Variants in CAPRIN1 observed in about 807,000 individuals in gnomAD.
The protein encoded by CAPRIN1 is cell cycle associated protein 1.
In CAPRIN1, 29 loss-of-function variants were observed where a neutral mutation model predicts 100.9. That is an observed-to-expected ratio of 0.29 (90% CI 0.21 to 0.39). The LOEUF (loss-of-function observed/expected upper bound fraction) is 0.39, where lower values mean the gene tolerates loss of function less well. Ranked by LOEUF, CAPRIN1 falls within the 10% of genes least tolerant of loss-of-function variation. The probability of loss-of-function intolerance (pLI) is 1.00; values close to 1 mark genes in which losing one functional copy is unlikely to be tolerated. For synonymous variants in CAPRIN1, 338 were observed against 307.5 expected (o/e 1.10, Z -1.04); for missense variants, 795 against 876.7 (o/e 0.91, Z 1.18).
At chr11:34,056,392 C>CT (rs1850451872) in intron 2 of CAPRIN1, 1 of 152,162 alleles carries the variant, frequency 6.6e-6, no homozygotes. Context: ...AAAAGCTAAG[C>CT]ATCTGCTCAT....
At chr11:34,085,241 A>G (rs775454324) in intron 9 of CAPRIN1, among the ~76,000 whole-genome samples, 2 of 152,316 alleles carry the variant, frequency 1.3e-5, no homozygotes, top group South Asian at 4.1e-4. Flanking sequence ...GAAAAGGCTA[A>G]TAGAGTGAGC....
intron 18 of CAPRIN1, chr11:34,098,963 GT>G (rs1364458901): frequency 8.8e-7 from 1 of 1,135,846 alleles, no homozygotes; most frequent in African/African-American, 1.6e-5. Context: ...ATGAGAGCAG[GT>G]ACCTTGTCTG....
At chr11:34,076,665 T>C (rs945806423) in intron 6 of CAPRIN1, 23 bp downstream of exon 6, 1 of 1,473,624 alleles carries the variant, frequency 6.8e-7, no homozygotes, top group African/African-American at 1.4e-5. Context: ...GTGATAACTT[T>C]GATTTTATAA....
intron 4 of CAPRIN1, among the ~76,000 whole-genome samples, chr11:34,075,175 TTA>T (rs1180317211): frequency 6.6e-6 from 1 of 152,206 alleles, no homozygotes; most frequent in Non-Finnish European, 1.5e-5. Flanking sequence ...GCACACTCTG[TTA>T]CCATTATAGA....
At chr11:34,079,905 G>GTTTTTTTTTTTTTTT (rs377455073) in intron 7 of CAPRIN1, 140 bp downstream of exon 7, 3 of 316,638 alleles carry the variant, frequency 9.5e-6, no homozygotes, top group African/African-American at 5.8e-5. Flanking sequence ...GCATGACAAA[G>GTTTTTTTTTTTTTTT]TTTTTTTTTT....
Position 34,071,707 on chromosome 11 carries a change from T to C in CAPRIN1, c.217-19T>C, listed in dbSNP as rs765172706. On this transcript the variant is annotated intron_variant, in intron 2 of 18. Transcript: ENST00000341394. ...TACCTTCAAAACGGAATGTAATTCT[T>C]TTTTTTCTTTTAACATAGGGTAAGC... 1.9e-6 allele frequency: 3 copies of C among 1,589,718 alleles called. No individual in the cohort carries two copies. In the Admixed American group the frequency reaches 5.0e-5, roughly 27 times the overall value.
chr11:34,068,741 A>T (rs1850749428), intron 2 of CAPRIN1, among the ~76,000 whole-genome samples: 1 of 152,228 alleles, frequency 6.6e-6, no homozygotes, highest in African/African-American at 2.4e-5. Context: ...CAAAAGGAAC[A>T]CAGCTCTGGC....
At chr11:34,074,081 C>A (rs530048146) in intron 4 of CAPRIN1, among the ~76,000 whole-genome samples, 7 of 152,096 alleles carry the variant, frequency 4.6e-5, no homozygotes. Context: ...AACACTATTG[C>A]GTTGGGAGGG....
chr11:34,057,459 A>G lies in CAPRIN1; in HGVS notation c.216+4823A>G, dbSNP rs563297908. ...ATTAGTGTACTCTAGGATACTACCC[A>G]TGTGGCAGATATTTGAGAATGCATT... On this transcript the variant is annotated intron_variant, in intron 2 of 18. Coordinates refer to ENST00000341394, the MANE Select transcript of CAPRIN1 (RefSeq NM_005898.5). Among the ~76,000 whole-genome samples, 3 of 152,306 alleles carry G rather than the reference A, an allele frequency of 2.0e-5. No homozygotes were observed. The South Asian group carries it at 6.2e-4, about 32-fold the overall frequency.
chr11:34,055,479 C>A (rs1850432132), intron 2 of CAPRIN1, among the ~76,000 whole-genome samples: 1 of 152,166 alleles, frequency 6.6e-6, no homozygotes, highest in African/African-American at 2.4e-5. Context: ...AGGCACCTGC[C>A]ACCACGCCCA....
intron 9 of CAPRIN1, among the ~76,000 whole-genome samples, chr11:34,085,186 A>T (rs1336331677): frequency 1.3e-5 from 2 of 152,234 alleles, no homozygotes; most frequent in African/African-American, 2.4e-5. Context: ...CTTGCAGAGC[A>T]GGGAATTACT....
rs1211917510 is a variant in CAPRIN1, at chr11:34,071,801, T to C, written c.279+13T>C. On this transcript the variant is annotated intron_variant, in intron 3 of 18. Coordinates refer to ENST00000341394, the MANE Select transcript of CAPRIN1 (RefSeq NM_005898.5). ...TCAAGATCAGCTGGTAAAGATGTTA[T>C]ATTTTTTATTTTAGACCTAATGCTC... 2 of 1,450,530 alleles carry C rather than the reference T, an allele frequency of 1.4e-6. No individual in the cohort carries two copies. Among genetic ancestry groups the C allele is most frequent in the Non-Finnish European group, 1.8e-6 (2 of 1,099,850 alleles). The allele number at this position is 1,450,530 out of a possible 1,614,324, so 89.9% of individuals were successfully genotyped here.
chr11:34,080,343 T>C (rs753063691), intron 7 of CAPRIN1, among the ~76,000 whole-genome samples: 12 of 152,216 alleles, frequency 7.9e-5, no homozygotes, highest in Non-Finnish European at 1.3e-4. Flanking sequence ...ATAGTTCTTT[T>C]GCAGTAGTAT....
Position 34,099,368 on chromosome 11 carries a change from T to A in CAPRIN1, c.*1T>A. 2 of 1,610,240 alleles carry A rather than the reference T, an allele frequency of 1.2e-6. No individual in the cohort carries two copies. Among genetic ancestry groups the A allele is most frequent in the Non-Finnish European group, 1.7e-6 (2 of 1,176,462 alleles). On this transcript the variant is annotated 3_prime_UTR_variant, in exon 19 of 19. Coordinates refer to ENST00000341394, the MANE Select transcript of CAPRIN1 (RefSeq NM_005898.5). The stretch of plus-strand genomic sequence containing the variant: ...AATGAACACTCAGCAAGTGAATTAA[T>A]CTGATTCACAGGATTATGTTTAATC...
chr11:34,099,150 CAG>C (rs754306553), intron 18 of CAPRIN1, 151 bp from the exon 19 acceptor site: 35 of 1,454,340 alleles, frequency 2.4e-5, no homozygotes, highest in African/African-American at 8.6e-5. Flanking sequence ...ACTTCCAGGA[CAG>C]GGGAAACTTG....
chr11:34,075,738 TCTTTTTTAATTGGCCTAGGCC>T (rs1850892229), intron 4 of CAPRIN1, among the ~76,000 whole-genome samples: 1 of 152,244 alleles, frequency 6.6e-6, no homozygotes, highest in Non-Finnish European at 1.5e-5. Context: ...TGGTTGGGTT[TCTTTTTTAATTGGCCTAGGCC>T]TTTACATTTC....
intron 7 of CAPRIN1, among the ~76,000 whole-genome samples, chr11:34,080,038 C>G (rs543519479): frequency 1.3e-5 from 2 of 151,904 alleles, no homozygotes; most frequent in South Asian, 2.1e-4. Flanking sequence ...ATTCTCCTGC[C>G]TCAGCCTCCT....
At chr11:34,096,188 G>T (rs1308975863) in intron 15 of CAPRIN1, 4 of 220,216 alleles carry the variant, frequency 1.8e-5, no homozygotes, top group African/African-American at 6.9e-5. Flanking sequence ...ATGCCTTTCA[G>T]AAGACGTTAA....
chr11:34,055,488 C>T (rs953833566), intron 2 of CAPRIN1, among the ~76,000 whole-genome samples: 1 of 152,158 alleles, frequency 6.6e-6, no homozygotes, highest in Admixed American at 6.5e-5. Flanking sequence ...CCACCACGCC[C>T]AACTAATTTT....
Sources: gnomAD v4.1 joint callset for allele counts (sites outside exome capture counted in the v4.1 genomes callset) on GRCh38, gnomAD v4.1.1 for gene constraint, MANE v1.5 for transcripts, NCBI Gene and HGNC (gene_info 2026-07-23, HGNC 2026-07-21) for gene names.